Variants in RNGTT observed in about 807,000 individuals in gnomAD.
RNGTT encodes mRNA-capping enzyme.
A neutral mutation model predicts 79.3 loss-of-function variants in RNGTT; 33 were observed. The ratio of observed to expected loss-of-function variants is 0.42; its 90% CI spans 0.32 to 0.56. The LOEUF (loss-of-function observed/expected upper bound fraction) is 0.56. RNGTT is among the 20% of genes least tolerant of loss of function. The pLI is 0.17. For synonymous variants in RNGTT, 222 were observed against 235.9 expected (o/e 0.94, Z 0.54); for missense variants, 497 against 739.1 (o/e 0.67, Z 3.80).
intron 4 of RNGTT, among the ~76,000 whole-genome samples, chr6:88,914,290 T>C (rs1380870866): frequency 2.6e-5 from 4 of 151,908 alleles, no homozygotes; most frequent in Non-Finnish European, 1.5e-5. Context: ...AAAACTATTA[T>C]AAAATATGGA....
At chr6:88,660,172 A>G (rs992787110) in intron 14 of RNGTT, among the ~76,000 whole-genome samples, 4 of 152,112 alleles carry the variant, frequency 2.6e-5, no homozygotes, top group Admixed American at 1.3e-4. Context: ...AAAACCTCGA[A>G]ATGCACCAAA....
intron 4 of RNGTT, among the ~76,000 whole-genome samples, chr6:88,911,735 G>A (rs1783835498): frequency 6.6e-6 from 1 of 152,048 alleles, no homozygotes; most frequent in Non-Finnish European, 1.5e-5. Flanking sequence ...CAAAATCTCT[G>A]ATATGCAGCA....
intron 1 of RNGTT, among the ~76,000 whole-genome samples, chr6:88,949,621 A>G (rs919861803): frequency 1.3e-5 from 2 of 151,630 alleles, no homozygotes; most frequent in Non-Finnish European, 3.0e-5. Context: ...AATAGATCAA[A>G]CCAGCCACAA....
intron 13 of RNGTT, among the ~76,000 whole-genome samples, chr6:88,742,270 T>C (rs764345640): frequency 6.6e-6 from 1 of 152,044 alleles, no homozygotes; most frequent in Non-Finnish European, 1.5e-5. Flanking sequence ...AAGAGAGAAA[T>C]CACAGACAAC....
At chr6:88,827,537 A>G (rs890334788) in intron 11 of RNGTT, among the ~76,000 whole-genome samples, 11 of 152,152 alleles carry the variant, frequency 7.2e-5, no homozygotes, top group African/African-American at 2.7e-4. Flanking sequence ...CACCAGCAAG[A>G]CAGAACTGTT....
chr6:88,949,297 T>C (rs548675936), intron 1 of RNGTT, among the ~76,000 whole-genome samples: 13 of 145,264 alleles, frequency 8.9e-5, no homozygotes, highest in African/African-American at 3.4e-4. Flanking sequence ...AGTCTTGCTC[T>C]GTTGCCCAGG....
chr6:88,812,672 C>T (rs976304721), intron 11 of RNGTT, among the ~76,000 whole-genome samples: 4 of 152,140 alleles, frequency 2.6e-5, no homozygotes, highest in African/African-American at 4.8e-5. Context: ...GTAAGACGGA[C>T]GCGTGAGACC....
chr6:88,896,880 T>C (rs571657043), intron 6 of RNGTT, among the ~76,000 whole-genome samples: 121 of 152,326 alleles, frequency 7.9e-4, no homozygotes, highest in African/African-American at 2.7e-3. Flanking sequence ...CTCGACCTGT[T>C]GTACAACCTT....
At chr6:88,953,392 A>C (rs954412471) in intron 1 of RNGTT, among the ~76,000 whole-genome samples, 3 of 152,144 alleles carry the variant, frequency 2.0e-5, no homozygotes, top group African/African-American at 7.2e-5. Flanking sequence ...TCGAAGACAA[A>C]GCTTTCAAAT....
At chr6:88,957,911 A>C (rs1372700633) in intron 1 of RNGTT, among the ~76,000 whole-genome samples, 1 of 152,198 alleles carries the variant, frequency 6.6e-6, no homozygotes, top group East Asian at 1.9e-4. Context: ...AAAAGAGCCC[A>C]AATAGCCAAG....
intron 14 of RNGTT, among the ~76,000 whole-genome samples, chr6:88,640,957 A>G (rs1470152707): frequency 6.6e-6 from 1 of 152,166 alleles, no homozygotes; most frequent in South Asian, 2.1e-4. Context: ...CATACCTAAT[A>G]ATGTATTTCT....
At chr6:88,627,706 A>G (rs908498449) in intron 14 of RNGTT, among the ~76,000 whole-genome samples, 1 of 152,026 alleles carries the variant, frequency 6.6e-6, no homozygotes, top group African/African-American at 2.4e-5. Context: ...AAATCACTCA[A>G]TTTGCCTTAG....
At chr6:88,685,132 G>C (rs1775229373) in intron 13 of RNGTT, among the ~76,000 whole-genome samples, 1 of 152,054 alleles carries the variant, frequency 6.6e-6, no homozygotes, top group South Asian at 2.1e-4. Flanking sequence ...AGGAGATCAG[G>C]GGGAGGAAAA....
chr6:88,664,890 C>T (rs1038931223), intron 14 of RNGTT, among the ~76,000 whole-genome samples: 5 of 152,204 alleles, frequency 3.3e-5, no homozygotes, highest in East Asian at 1.9e-4. Flanking sequence ...GTGACCACCC[C>T]GGTCGCCCCC....
chr6:88,839,411 A>C (rs1408730122), intron 11 of RNGTT, among the ~76,000 whole-genome samples: 1 of 152,082 alleles, frequency 6.6e-6, no homozygotes, highest in Non-Finnish European at 1.5e-5. Context: ...TCACTCAAAA[A>C]ATTAAAAAAT....
intron 4 of RNGTT, among the ~76,000 whole-genome samples, chr6:88,925,466 G>A (rs1309635383): frequency 2.0e-5 from 3 of 151,678 alleles, no homozygotes; most frequent in South Asian, 2.1e-4. Flanking sequence ...TGGTGCGCAC[G>A]CCTATGGTCC....
intron 14 of RNGTT, among the ~76,000 whole-genome samples, chr6:88,672,005 CA>C (rs1774660916): frequency 6.6e-6 from 1 of 151,986 alleles, no homozygotes; most frequent in African/African-American, 2.4e-5. Context: ...AAACCATAAA[CA>C]TTCTAAAAAA....
intron 14 of RNGTT, among the ~76,000 whole-genome samples, chr6:88,675,221 T>G (rs1774822438): frequency 6.6e-6 from 1 of 152,214 alleles, no homozygotes; most frequent in Non-Finnish European, 1.5e-5. Flanking sequence ...TATTTTTTCA[T>G]TTCTTATAAC....
rs1007366978 is a variant in RNGTT at position 88,630,991 on chromosome 6, A to T, written c.1507-16596T>A. Among the ~76,000 whole-genome samples, 5 of 152,312 alleles carry T rather than the reference A, an allele frequency of 3.3e-5. No individual in the cohort carries two copies. The East Asian group carries it at 5.8e-4, about 18-fold the overall frequency. Reference sequence around the variant, plus strand: ...CCATTTAAAATGTTTACTTTATTACAGCTTATTATAAATGTGAAGTCTAAA... The same window carrying T: ...CCATTTAAAATGTTTACTTTATTACTGCTTATTATAAATGTGAAGTCTAAA... On this transcript the variant is annotated intron_variant, in intron 14 of 15. Transcript: ENST00000369485.
Sources: allele counts gnomAD v4.1 joint callset (sites outside exome capture counted in the v4.1 genomes callset), GRCh38; gene constraint gnomAD v4.1.1; transcripts MANE v1.5; gene names NCBI Gene and HGNC (gene_info 2026-07-23, HGNC 2026-07-21).